FBXO10: variants seen among roughly 807,000 people sequenced by gnomAD.
FBXO10 encodes F-box protein 10, also known as F-box only protein 10.
FBXO10 carries 39 observed loss-of-function variants against 80.7 expected under a neutral mutation model. The ratio of observed to expected loss-of-function variants is 0.48; its 90% confidence interval spans 0.37 to 0.63. FBXO10 has a LOEUF of 0.63. Among genes scored for constraint, FBXO10 ranks in the 30% least tolerant of loss-of-function variants. FBXO10 has a pLI of 0.00. For synonymous variants in FBXO10, 449 were observed against 489.6 expected, an observed-to-expected ratio of 0.92 and a Z score of 1.09; for missense variants, 1,025 against 1,269.0, an observed-to-expected ratio of 0.81 and a Z score of 2.92.
chr9:37,544,097 C>A (rs945728478), intron 1 of FBXO10, among the ~76,000 whole-genome samples: 1 of 152,076 alleles, frequency 6.6e-6, no homozygotes, highest in Non-Finnish European at 1.5e-5. Flanking sequence ...TGAAACCCTG[C>A]CTCTACTAAA....
In FBXO10 at chr9:37,541,763, C is replaced by T; in HGVS notation, c.6G>A (p.Glu2=). The T allele has an allele frequency of 1.9e-6, 3 of 1,593,224 alleles. No homozygotes were observed. The highest frequency in any genetic ancestry group is 1.1e-5 in the South Asian group (1 of 89,330). The change falls in exon 2 of 11, where the codon GAG becomes GAA. Residue 2 remains glutamate (E), a synonymous_variant. Transcript: ENST00000432825. The stretch of plus-strand genomic sequence containing the variant: ...ACAGCTCCAAGGGGAGGCCACCAGC[C>T]TCCATGGTCACCTAGGAGACAGACA... The part of the protein sequence containing the change: M[E]AGGLPLELWR...
At chr9:37,538,588 G>A (rs753472833) in intron 2 of FBXO10, among the ~76,000 whole-genome samples, 2 of 151,818 alleles carry the variant, frequency 1.3e-5, no homozygotes, top group Non-Finnish European at 2.9e-5. Context: ...TGCGCCTGTA[G>A]TCCCAGCTAC....
rs950151888 is a variant in FBXO10, at chr9:37,512,304, T to A, written c.*243A>T. ...TTTGAGCTTCCCCCGCTCTTCACAA[T>A]CTTTATAGACTTCGAGTGACTGGAA... On this transcript the variant is annotated 3_prime_UTR_variant, in exon 11 of 11. Transcript: ENST00000432825. The A allele has an allele frequency of 2.5e-6, 1 of 395,672 alleles. No homozygotes were observed. Among genetic ancestry groups the A allele is most frequent in the Admixed American group, 4.1e-5 (1 of 24,370 alleles). 24.5% of individuals were successfully genotyped at this position (395,672 alleles called of 1,614,324 possible).
intron 1 of FBXO10, among the ~76,000 whole-genome samples, chr9:37,546,806 G>C (rs554623869): frequency 6.6e-6 from 1 of 151,082 alleles, no homozygotes; most frequent in Non-Finnish European, 1.5e-5. Flanking sequence ...TCAGCCTCTC[G>C]AGTAGCTGGG....
At chr9:37,525,686 C>T (rs566963170) in intron 5 of FBXO10, among the ~76,000 whole-genome samples, 29 of 151,950 alleles carry the variant, frequency 1.9e-4, no homozygotes, top group Admixed American at 7.9e-4. Flanking sequence ...TACACGTGTG[C>T]GCCACCACAT....
chr9:37,549,478 G>C (rs1411265935), intron 1 of FBXO10, among the ~76,000 whole-genome samples: 1 of 152,124 alleles, frequency 6.6e-6, no homozygotes, highest in Non-Finnish European at 1.5e-5. Flanking sequence ...TCCTCAAAAA[G>C]TAAGTTCAGT....
intron 1 of FBXO10, among the ~76,000 whole-genome samples, chr9:37,556,128 A>G (rs1248533948): frequency 1.3e-5 from 2 of 152,218 alleles, no homozygotes; most frequent in Non-Finnish European, 2.9e-5. Context: ...TTTCAAAAAA[A>G]ACAAACAATG....
chr9:37,562,323 C>A (rs1822502587), intron 1 of FBXO10, among the ~76,000 whole-genome samples: 1 of 152,192 alleles, frequency 6.6e-6, no homozygotes, highest in African/African-American at 2.4e-5. Flanking sequence ...TCCCTGTAAG[C>A]TCTCTAATGT....
chr9:37,558,003 C>T (rs577870235), intron 1 of FBXO10, among the ~76,000 whole-genome samples: 2 of 152,318 alleles, frequency 1.3e-5, no homozygotes, highest in South Asian at 4.1e-4. Flanking sequence ...TTGCTAAGAG[C>T]TTTGACGTAC....
chr9:37,570,433 T>C (rs1822722375), intron 1 of FBXO10, among the ~76,000 whole-genome samples: 1 of 151,766 alleles, frequency 6.6e-6, no homozygotes, highest in Admixed American at 6.6e-5. Context: ...ATCAAAAAGA[T>C]AAAAATTAAT....
In FBXO10 at chr9:37,541,794, CAA is replaced by C. The variant is rs761066910; in HGVS notation, c.-6-22_-6-21del. 3 of 1,537,064 alleles carry C rather than the reference CAA, an allele frequency of 2.0e-6. No individual in the cohort carries two copies. In the East Asian group the frequency reaches 6.8e-5, roughly 35 times the overall value. On this transcript the variant is annotated intron_variant, in intron 1 of 10. Coordinates refer to ENST00000432825, the MANE Select transcript of FBXO10 (RefSeq NM_012166.3). ...GGTCACCTAGGAGACAGACACAAAA[CAA>C]AAGAGATTTCTGTCTATCCTACTTA...
At chr9:37,545,011 A>AAAAAAAG (rs1347904303) in intron 1 of FBXO10, among the ~76,000 whole-genome samples, 21 of 139,554 alleles carry the variant, frequency 1.5e-4, no homozygotes, top group African/African-American at 6.3e-4. Context: ...AAAAAAAAAA[A>AAAAAAAG]AGAGAGAGAA....
intron 1 of FBXO10, among the ~76,000 whole-genome samples, chr9:37,547,063 G>C (rs369845015): frequency 6.6e-6 from 1 of 152,248 alleles, no homozygotes; most frequent in East Asian, 1.9e-4. Flanking sequence ...TCCACTCCTA[G>C]TTATTTATAC....
At chr9:37,537,080 C>T (rs1236893964) in intron 3 of FBXO10, 30 bp downstream of exon 3, 1 of 1,545,572 alleles carries the variant, frequency 6.5e-7, no homozygotes, top group Non-Finnish European at 8.8e-7. Flanking sequence ...CCACAGGAGC[C>T]CCCTGACCAA....
At chr9:37,544,716 C>T (rs181594449) in intron 1 of FBXO10, among the ~76,000 whole-genome samples, 13 of 152,110 alleles carry the variant, frequency 8.5e-5, no homozygotes, top group African/African-American at 2.2e-4. Flanking sequence ...GAAAAGCGGC[C>T]GGGCGCGGTG....
chr9:37,571,088 C>A (rs527838794), intron 1 of FBXO10, among the ~76,000 whole-genome samples: 3 of 150,840 alleles, frequency 2.0e-5, no homozygotes, highest in Admixed American at 1.3e-4. Flanking sequence ...ATTATAAAAA[C>A]AAAATCACCC....
intron 1 of FBXO10, among the ~76,000 whole-genome samples, chr9:37,557,782 A>G (rs901279954): frequency 6.6e-6 from 1 of 152,196 alleles, no homozygotes; most frequent in Non-Finnish European, 1.5e-5. Flanking sequence ...GGGCTCATCT[A>G]TAATACTTTT....
Position 37,542,132 on chromosome 9 carries a change from A to G in FBXO10, c.-6-358T>C, listed in dbSNP as rs112392580. ...GCGTGAGCCACCACACCCGGCCTCC[A>G]GTCCCTTTCTTAAAATACCCCCTGC... is the stretch of plus-strand genomic sequence containing the variant. On this transcript the variant is annotated intron_variant, in intron 1 of 10. Coordinates refer to ENST00000432825, the MANE Select transcript of FBXO10 (RefSeq NM_012166.3). Among the ~76,000 whole-genome samples the G allele has an allele frequency of 3.8e-4, 58 of 151,308 alleles. 1 individual carries two copies. Among genetic ancestry groups the G allele is most frequent in the African/African-American group, 1.4e-3 (57 of 41,348 alleles).
At chr9:37,553,776 G>C (rs985369510) in intron 1 of FBXO10, among the ~76,000 whole-genome samples, 1 of 151,066 alleles carries the variant, frequency 6.6e-6, no homozygotes. Context: ...TTAGCCAGGC[G>C]TGGTGGCACA....
Sources: gnomAD v4.1 joint callset for allele counts (sites outside exome capture counted in the v4.1 genomes callset) on GRCh38, gnomAD v4.1.1 for gene constraint, MANE v1.5 for transcripts, NCBI Gene and HGNC (gene_info 2026-07-23, HGNC 2026-07-21) for gene names.